The following DLGAP1 variants were observed in gnomAD, a reference collection of about 807,000 sequenced individuals.
The protein encoded by DLGAP1 is DLG associated protein 1.
Under a neutral mutation model 90.8 loss-of-function variants are expected in DLGAP1, and 11 were observed. The ratio of observed to expected loss-of-function variants is 0.12; its 90% CI spans 0.08 to 0.20. DLGAP1 has a LOEUF of 0.20. DLGAP1 is among the 10% of genes least tolerant of loss of function. DLGAP1 has a pLI of 1.00. For missense variants in DLGAP1, 1,050 were observed against 1,333.8 expected, an observed-to-expected ratio of 0.79 and a Z score of 3.31; for synonymous variants, 558 against 540.7, an observed-to-expected ratio of 1.03 and a Z score of -0.44.
At chr18:4,257,026 C>G (rs576387534) in intron 1 of DLGAP1, among the ~76,000 whole-genome samples, 1 of 152,044 alleles carries the variant, frequency 6.6e-6, no homozygotes, top group African/African-American at 2.4e-5. Context: ...GACACACTGC[C>G]CAGGATGTGA....
At chr18:4,083,770 G>A (rs11877154) in intron 2 of DLGAP1, among the ~76,000 whole-genome samples, 42,421 of 151,958 alleles carry the variant, frequency 0.28, 6,237 homozygotes, top group African/African-American at 0.31. Context: ...CATGGGGAGC[G>A]TGGGCTCTGA....
At chr18:3,950,198 G>C (rs2072956742) in intron 3 of DLGAP1, among the ~76,000 whole-genome samples, 1 of 152,178 alleles carries the variant, frequency 6.6e-6, no homozygotes, top group Non-Finnish European at 1.5e-5. Flanking sequence ...TCCAAAAAAA[G>C]AGGCAGAGCC....
intron 3 of DLGAP1, among the ~76,000 whole-genome samples, chr18:3,954,688 G>T (rs2148971059): frequency 6.6e-6 from 1 of 152,278 alleles, no homozygotes; most frequent in East Asian, 1.9e-4. Flanking sequence ...ACTTTTCAAA[G>T]GGTCTATAAA....
At chr18:3,598,368 G>C (rs1017963215) in intron 7 of DLGAP1, 2 of 151,420 alleles carry the variant, frequency 1.3e-5, no homozygotes, top group Non-Finnish European at 2.9e-5. Flanking sequence ...AAAAAATTCT[G>C]TCTCATTCAT....
intron 7 of DLGAP1, among the ~76,000 whole-genome samples, chr18:3,587,069 T>C (rs1315365427): frequency 6.6e-5 from 10 of 152,198 alleles, no homozygotes; most frequent in African/African-American, 2.4e-4. Context: ...GACGTTCTCT[T>C]TTTATTTTGA....
At chr18:4,402,629 G>A (rs2082579014) in intron 1 of DLGAP1, among the ~76,000 whole-genome samples, 1 of 152,130 alleles carries the variant, frequency 6.6e-6, no homozygotes, top group South Asian at 2.1e-4. Flanking sequence ...TTAACATTAG[G>A]ATGTTACCAT....
At chr18:4,292,236 A>G (rs1400869862) in intron 1 of DLGAP1, among the ~76,000 whole-genome samples, 3 of 152,178 alleles carry the variant, frequency 2.0e-5, no homozygotes, top group Non-Finnish European at 4.4e-5. Context: ...ATAAAAAATG[A>G]ATCTGTTTAC....
intron 3 of DLGAP1, among the ~76,000 whole-genome samples, chr18:3,900,302 C>T (rs1045997156): frequency 3.3e-5 from 5 of 152,156 alleles, no homozygotes; most frequent in African/African-American, 9.7e-5. Context: ...GCCCTGATAC[C>T]GACATTGTTG....
intron 4 of DLGAP1, among the ~76,000 whole-genome samples, chr18:3,858,104 G>A (rs572022216): frequency 3.3e-5 from 5 of 152,212 alleles, no homozygotes; most frequent in South Asian, 4.2e-4. Context: ...TCAGCAGGCC[G>A]AGAACAAAAC....
At chr18:3,924,001 C>T (rs2148916241) in intron 3 of DLGAP1, among the ~76,000 whole-genome samples, 1 of 152,318 alleles carries the variant, frequency 6.6e-6, no homozygotes, top group East Asian at 1.9e-4. Flanking sequence ...AAACATGATT[C>T]TCTAACCACA....
intron 1 of DLGAP1, among the ~76,000 whole-genome samples, chr18:4,200,973 A>G (rs186829384): frequency 5.7e-4 from 87 of 152,208 alleles, no homozygotes; most frequent in African/African-American, 2.1e-3. Context: ...CAACTTCACA[A>G]CATTGTAATG....
At chr18:3,581,381 C>G (rs1421337218) in intron 8 of DLGAP1, among the ~76,000 whole-genome samples, 1 of 152,104 alleles carries the variant, frequency 6.6e-6, no homozygotes, top group Non-Finnish European at 1.5e-5. Context: ...GTGGGAGAAG[C>G]CTCTGCTGCA....
intron 1 of DLGAP1, among the ~76,000 whole-genome samples, chr18:4,284,324 C>T (rs2145455211): frequency 6.6e-6 from 1 of 151,814 alleles, no homozygotes; most frequent in South Asian, 2.1e-4. Context: ...CGAACACAGG[C>T]AGGGTGGGAA....
chr18:4,074,946 C>T (rs1447684303), intron 2 of DLGAP1, among the ~76,000 whole-genome samples: 1 of 152,182 alleles, frequency 6.6e-6, no homozygotes, highest in Admixed American at 6.5e-5. Flanking sequence ...AATATTAAAA[C>T]TTCCAGATTC....
chr18:3,592,859 A>G (rs1026676815), intron 7 of DLGAP1, among the ~76,000 whole-genome samples: 22 of 127,656 alleles, frequency 1.7e-4, no homozygotes, highest in Non-Finnish European at 3.0e-4. Context: ...AAAAAAAAAA[A>G]AAAAAAAAGA....
At chr18:3,559,425 T>A (rs917121997) in intron 9 of DLGAP1, among the ~76,000 whole-genome samples, 2 of 152,232 alleles carry the variant, frequency 1.3e-5, no homozygotes, top group African/African-American at 4.8e-5. Flanking sequence ...TATTATTTTC[T>A]ATTTTTTCAC....
rs1464006355 is a variant in DLGAP1, at chr18:3,869,156, T to G, written c.957+9956A>C. ...AAACAAAAGCAAGTGTGTATTGCGT[T>G]TTTTTTTTTTTTCCCTGTATGAATA... On this transcript the variant is annotated intron_variant, in intron 4 of 12. Transcript: ENST00000315677. Among the ~76,000 whole-genome samples, 89 of 133,616 alleles carry G rather than the reference T, an allele frequency of 6.7e-4. 1 individual carries two copies. The highest frequency in any genetic ancestry group is 2.5e-3 in the African/African-American group (73 of 29,630). 87.7% of individuals were successfully genotyped at this position (133,616 alleles called of 152,430 possible).
chr18:3,853,521 T>C (rs1484138601), intron 4 of DLGAP1, among the ~76,000 whole-genome samples: 1 of 151,762 alleles, frequency 6.6e-6, no homozygotes. Context: ...CTAGGAGCAA[T>C]AGGCTATATC....
At chr18:4,333,976 C>G (rs1045230344) in intron 1 of DLGAP1, among the ~76,000 whole-genome samples, 1 of 151,434 alleles carries the variant, frequency 6.6e-6, no homozygotes, top group Non-Finnish European at 1.5e-5. Context: ...CGGTGGCTCA[C>G]GCCTGTAATC....
Sources: allele counts gnomAD v4.1 joint callset (sites outside exome capture counted in the v4.1 genomes callset), GRCh38; gene constraint gnomAD v4.1.1; transcripts MANE v1.5; gene names NCBI Gene and HGNC (gene_info 2026-07-23, HGNC 2026-07-21).